Variants in TLL1 observed in about 807,000 individuals in gnomAD.
TLL1 encodes the protein tolloid like 1.
Under a neutral mutation model 128.2 loss-of-function variants are expected in TLL1, and 49 were observed. That is an observed-to-expected ratio of 0.38 (90% CI 0.30 to 0.48). The LOEUF is 0.48. TLL1 is among the 20% of genes least tolerant of loss of function. The probability of loss-of-function intolerance (pLI) is 0.96; values close to 1 mark genes in which losing one functional copy is unlikely to be tolerated. For missense variants in TLL1, 1,123 were observed against 1,242.0 expected (o/e 0.90, Z 1.44); for synonymous variants, 454 against 418.8 (o/e 1.08, Z -1.03).
intron 1 of TLL1, among the ~76,000 whole-genome samples, chr4:165,898,477 A>G (rs1330422054): frequency 6.6e-6 from 1 of 152,054 alleles, no homozygotes; most frequent in Non-Finnish European, 1.5e-5. Context: ...CTCTGCATCT[A>G]TTGAGATAAT....
chr4:165,956,355 C>G (rs2110949463), intron 1 of TLL1, among the ~76,000 whole-genome samples: 1 of 152,130 alleles, frequency 6.6e-6, no homozygotes, highest in African/African-American at 2.4e-5. Context: ...CAGGGTGTAT[C>G]TCAGTCCTTA....
chr4:165,888,869 G>A (rs1731274043), intron 1 of TLL1, among the ~76,000 whole-genome samples: 1 of 152,144 alleles, frequency 6.6e-6, no homozygotes, highest in Non-Finnish European at 1.5e-5. Flanking sequence ...TCCAGCCTGG[G>A]TGGGCCTTGC....
At chr4:165,895,962 C>T (rs1256000403) in intron 1 of TLL1, among the ~76,000 whole-genome samples, 2 of 152,016 alleles carry the variant, frequency 1.3e-5, no homozygotes, top group Non-Finnish European at 2.9e-5. Context: ...ATTTTAAGTT[C>T]AGGGATACAT....
At chr4:166,032,472 T>C (rs1738815403) in intron 9 of TLL1, among the ~76,000 whole-genome samples, 1 of 152,072 alleles carries the variant, frequency 6.6e-6, no homozygotes, top group African/African-American at 2.4e-5. Flanking sequence ...TCTGTGGCAA[T>C]GTCAAAAAGT....
At chr4:165,914,472 G>A (rs1045761853) in intron 1 of TLL1, among the ~76,000 whole-genome samples, 2 of 152,218 alleles carry the variant, frequency 1.3e-5, no homozygotes, top group Non-Finnish European at 2.9e-5. Context: ...GATGGACAGA[G>A]ATTGCACCCA....
chr4:165,962,779 G>A (rs1406713389), intron 1 of TLL1, among the ~76,000 whole-genome samples: 2 of 151,996 alleles, frequency 1.3e-5, no homozygotes, highest in Non-Finnish European at 1.5e-5. Flanking sequence ...TGCAGCTGGA[G>A]GCAATTATCC....
At chr4:166,008,925 A>G (rs189152113) in intron 7 of TLL1, among the ~76,000 whole-genome samples, 16 of 151,530 alleles carry the variant, frequency 1.1e-4, no homozygotes, top group African/African-American at 3.4e-4. Flanking sequence ...CTTTCTTGGT[A>G]AAAAGTAGAG....
At chr4:165,929,320 C>A (rs1303428804) in intron 1 of TLL1, among the ~76,000 whole-genome samples, 3 of 152,088 alleles carry the variant, frequency 2.0e-5, no homozygotes, top group African/African-American at 7.2e-5. Flanking sequence ...GGGCGGATCA[C>A]GAGGTCAAGA....
intron 12 of TLL1, among the ~76,000 whole-genome samples, chr4:166,053,968 T>C (rs1560838426): frequency 6.6e-6 from 1 of 152,168 alleles, no homozygotes; most frequent in Non-Finnish European, 1.5e-5. Flanking sequence ...TAAAACAATT[T>C]ATAAATTTTG....
intron 1 of TLL1, among the ~76,000 whole-genome samples, chr4:165,984,786 T>G (rs541549598): frequency 2.0e-5 from 3 of 152,074 alleles, no homozygotes; most frequent in African/African-American, 7.2e-5. Context: ...TAATTACACT[T>G]AATAATATAT....
At chr4:166,039,177 T>C (rs1252993971) in intron 9 of TLL1, among the ~76,000 whole-genome samples, 162 bp from the exon 10 acceptor site, 1 of 152,190 alleles carries the variant, frequency 6.6e-6, no homozygotes, top group Admixed American at 6.5e-5. Context: ...GGTTTCAAGG[T>C]TTGGTTCAGA....
chr4:165,928,708 G>A (rs1733379923), intron 1 of TLL1, among the ~76,000 whole-genome samples: 1 of 152,146 alleles, frequency 6.6e-6, no homozygotes, highest in Admixed American at 6.5e-5. Flanking sequence ...CATTGCTGTT[G>A]GACTTTAGCT....
intron 1 of TLL1, among the ~76,000 whole-genome samples, chr4:165,951,650 A>C (rs1734524385): frequency 6.6e-6 from 1 of 152,092 alleles, no homozygotes; most frequent in Non-Finnish European, 1.5e-5. Context: ...TATGTGGAGG[A>C]GAAGAATTTG....
chr4:165,967,404 T>A (rs1735439297), intron 1 of TLL1, among the ~76,000 whole-genome samples: 1 of 152,220 alleles, frequency 6.6e-6, no homozygotes, highest in African/African-American at 2.4e-5. Flanking sequence ...ATTGGGGAAG[T>A]GACAAATGTC....
intron 12 of TLL1, among the ~76,000 whole-genome samples, chr4:166,051,963 T>C (rs762407158): frequency 6.6e-6 from 1 of 152,168 alleles, no homozygotes; most frequent in Non-Finnish European, 1.5e-5. Context: ...TCTTTGTGTA[T>C]CATATAAAAT....
At chr4:166,066,633 G>A (rs891448428) in intron 16 of TLL1, among the ~76,000 whole-genome samples, 12 of 151,810 alleles carry the variant, frequency 7.9e-5, no homozygotes, top group Middle Eastern at 3.4e-3. Context: ...TTCAAAGGCC[G>A]TTTATTCTGG....
intron 1 of TLL1, among the ~76,000 whole-genome samples, chr4:165,916,787 G>A (rs1486371295): frequency 6.6e-6 from 1 of 152,066 alleles, no homozygotes; most frequent in Non-Finnish European, 1.5e-5. Flanking sequence ...TCAGAGAACT[G>A]GTTCTGCTGC....
intron 9 of TLL1, among the ~76,000 whole-genome samples, chr4:166,033,610 T>A (rs1477152766): frequency 1.3e-5 from 2 of 152,188 alleles, no homozygotes; most frequent in African/African-American, 4.8e-5. Context: ...ACTGTATACA[T>A]AAGTATGGTT....
chr4:166,090,246 A>G (rs965503761), intron 18 of TLL1, among the ~76,000 whole-genome samples: 9 of 152,106 alleles, frequency 5.9e-5, no homozygotes, highest in African/African-American at 1.9e-4. Flanking sequence ...TCAATGTATG[A>G]TGGTTTTTCT....
Sources: gnomAD v4.1 joint callset for allele counts (sites outside exome capture counted in the v4.1 genomes callset) on GRCh38, gnomAD v4.1.1 for gene constraint, MANE v1.5 for transcripts, NCBI Gene and HGNC (gene_info 2026-07-23, HGNC 2026-07-21) for gene names.